The following ANKH variants were observed in gnomAD, a reference collection of about 807,000 sequenced individuals.
ANKH encodes the protein mineralization regulator ANKH.
Under a neutral mutation model 49.0 loss-of-function variants are expected in ANKH, and 15 were observed. That is an observed-to-expected ratio of 0.31 (90% CI 0.20 to 0.47). The LOEUF is 0.47. Ranked by LOEUF, ANKH falls within the 20% of genes least tolerant of loss-of-function variation. The pLI, the probability that ANKH is intolerant of heterozygous loss-of-function variation, is 1.00. For synonymous variants in ANKH, 273 were observed against 260.0 expected (o/e 1.05, Z -0.48); for missense variants, 429 against 652.0 (o/e 0.66, Z 3.72).
chr5:14,857,509 T>G (rs1735315074), intron 1 of ANKH, among the ~76,000 whole-genome samples: 1 of 151,836 alleles, frequency 6.6e-6, no homozygotes, highest in African/African-American at 2.4e-5. Context: ...AATACAAAAA[T>G]TAGCCAGGAG....
At chr5:14,756,426 T>C (rs1446141449) in intron 3 of ANKH, among the ~76,000 whole-genome samples, 4 of 152,180 alleles carry the variant, frequency 2.6e-5, no homozygotes, top group African/African-American at 9.7e-5. Flanking sequence ...GGATCTGACC[T>C]GACACTTTGG....
chr5:14,862,545 G>A (rs1333835581), intron 1 of ANKH, among the ~76,000 whole-genome samples: 4 of 152,078 alleles, frequency 2.6e-5, no homozygotes, highest in African/African-American at 4.8e-5. Context: ...AGCTCTCCAC[G>A]TTCCCCAGCA....
intron 4 of ANKH, 50 bp downstream of exon 4, chr5:14,755,811 G>A (rs777692234): frequency 7.2e-6 from 11 of 1,533,384 alleles, no homozygotes; most frequent in East Asian, 2.2e-5. Context: ...AGTTACACAC[G>A]CCAGAAGGGG....
At chr5:14,776,750 C>T (rs1739636224) in intron 1 of ANKH, among the ~76,000 whole-genome samples, 1 of 152,204 alleles carries the variant, frequency 6.6e-6, no homozygotes, top group African/African-American at 2.4e-5. Flanking sequence ...GGCAGACGGC[C>T]AAGACATTCA....
chr5:14,739,230 G>A (rs558616697), intron 8 of ANKH, among the ~76,000 whole-genome samples: 3 of 152,158 alleles, frequency 2.0e-5, no homozygotes, highest in South Asian at 4.2e-4. Flanking sequence ...CAGCCTGGCC[G>A]ATATAGTGAA....
At chr5:14,824,463 C>T (rs1332177759) in intron 1 of ANKH, among the ~76,000 whole-genome samples, 1 of 152,140 alleles carries the variant, frequency 6.6e-6, no homozygotes, top group Non-Finnish European at 1.5e-5. Context: ...TTCATGGTCA[C>T]GAATTCTAAA....
intron 6 of ANKH, 141 bp from the exon 7 acceptor site, chr5:14,746,103 G>T: frequency 1.4e-6 from 1 of 727,974 alleles, no homozygotes; most frequent in Non-Finnish European, 2.4e-6. Context: ...CATCAGGCAA[G>T]CACAGGACGG....
intron 1 of ANKH, among the ~76,000 whole-genome samples, chr5:14,782,694 A>T (rs894921539): frequency 6.6e-5 from 10 of 152,340 alleles, no homozygotes; most frequent in African/African-American, 2.4e-4. Context: ...ACTGAGTGTG[A>T]CTAAAGACGT....
intron 1 of ANKH, among the ~76,000 whole-genome samples, chr5:14,817,515 T>A (rs2126581868): frequency 6.6e-6 from 1 of 152,348 alleles, no homozygotes; most frequent in Non-Finnish European, 1.5e-5. Flanking sequence ...TCATATACTC[T>A]GTGCTCCCCA....
In ANKH at chr5:14,713,572, C is replaced by T. The variant is rs112513380; in HGVS notation, c.1237G>A (p.Ala413Thr). The T allele has an allele frequency of 2.5e-3, 4,009 of 1,614,184 alleles. 6 individuals are homozygous for T. Among genetic ancestry groups the T allele is most frequent in the Non-Finnish European group, 3.3e-3 (3,836 of 1,180,020 alleles). ...AGGTAGGGTAGGACCACGAGGCTGG[C>T]GATGAGGACGATGATCCGCAGCACA... is the stretch of plus-strand genomic sequence containing the variant. ...SSVLRIIVLIASLVVLPYLGV... is the reference protein window; with the variant it reads ...SSVLRIIVLITSLVVLPYLGV... The change falls in exon 10 of 12, where the codon GCC becomes ACC. Residue 413 changes from alanine to threonine, a missense_variant. Coordinates refer to ENST00000284268, the MANE Select transcript of ANKH (RefSeq NM_054027.6). This position sits in a 1 kb window ranked among gnomAD's most constrained non-coding sequence, Gnocchi z 4.4.
intron 1 of ANKH, among the ~76,000 whole-genome samples, chr5:14,793,005 T>A (rs867780481): frequency 2.8e-3 from 168 of 60,220 alleles, no homozygotes; most frequent in African/African-American, 4.7e-3. Flanking sequence ...TATATATATA[T>A]AAATATATAT....
chr5:14,705,853 C>T lies in ANKH; in HGVS notation c.*5344G>A, dbSNP rs1368576330. ...CTTTCAGTAGCTGTTTCATTCAAAC[C>T]GTGGGTCCCTGCATGTTCATGGCCC... On this transcript the variant is annotated 3_prime_UTR_variant, in exon 12 of 12. Transcript: ENST00000284268. The T allele has an allele frequency of 1.3e-5, 2 of 152,394 alleles. No homozygotes were observed. The highest frequency in any genetic ancestry group is 1.9e-4 in the East Asian group (1 of 5,178). The allele number at this position is 152,394 out of a possible 1,614,324, so 9.4% of individuals were successfully genotyped here.
At chr5:14,818,022 C>T (rs2126582414) in intron 1 of ANKH, among the ~76,000 whole-genome samples, 1 of 144,288 alleles carries the variant, frequency 6.9e-6, no homozygotes, top group East Asian at 2.1e-4. Flanking sequence ...TGAGATCTCA[C>T]CACTGCACTC....
rs571504273 is a variant in ANKH, at chr5:14,761,795, G to A, written c.314-3197C>T. 5.2e-4 allele frequency among the ~76,000 whole-genome samples: 76 copies of A among 147,194 alleles called. 1 individual carries two copies. The highest frequency in any genetic ancestry group is 1.8e-3 in the African/African-American group (71 of 39,564). On this transcript the variant is annotated intron_variant, in intron 2 of 11. Coordinates refer to ENST00000284268, the MANE Select transcript of ANKH (RefSeq NM_054027.6). ...TTTTTTTCCTTTGAGACAGAGTCTC[G>A]CTCTGTCTCGCCCAGGGTGGAATGC...
intron 1 of ANKH, among the ~76,000 whole-genome samples, chr5:14,777,987 C>T (rs758136142): frequency 3.3e-5 from 5 of 152,194 alleles, no homozygotes; most frequent in Non-Finnish European, 4.4e-5. Flanking sequence ...GGGCAAAAGC[C>T]CTGCAGTCCC....
intron 1 of ANKH, among the ~76,000 whole-genome samples, chr5:14,793,066 T>TAAAA (rs1740250431): frequency 3.8e-5 from 1 of 26,018 alleles, no homozygotes; most frequent in Non-Finnish European, 7.8e-5. Flanking sequence ...ATAAAATATA[T>TAAAA]ATAAATATAT....
At chr5:14,763,479 C>T (rs944766743) in intron 2 of ANKH, among the ~76,000 whole-genome samples, 2 of 152,230 alleles carry the variant, frequency 1.3e-5, no homozygotes, top group Non-Finnish European at 2.9e-5. Flanking sequence ...GGGACACAGA[C>T]ATTTAATATC....
intron 4 of ANKH, 38 bp downstream of exon 4, chr5:14,755,823 C>T: frequency 6.3e-7 from 1 of 1,579,414 alleles, no homozygotes. Flanking sequence ...CAGAAGGGGA[C>T]TCTGAGGAGC....
chr5:14,827,056 A>G (rs1046826259), intron 1 of ANKH, among the ~76,000 whole-genome samples: 1 of 152,202 alleles, frequency 6.6e-6, no homozygotes, highest in African/African-American at 2.4e-5. Context: ...GAGGGCCTAG[A>G]ATACAGCAGA....
Sources: allele counts gnomAD v4.1 joint callset (sites outside exome capture counted in the v4.1 genomes callset), GRCh38; gene constraint gnomAD v4.1.1; non-coding constraint Gnocchi (gnomAD v3.1); transcripts MANE v1.5; gene names NCBI Gene and HGNC (gene_info 2026-07-23, HGNC 2026-07-21).